Variants in DDHD1 observed in about 807,000 individuals in gnomAD.
The protein encoded by DDHD1 is DDHD domain containing 1.
In DDHD1, 49 loss-of-function variants were observed where a neutral mutation model predicts 96.4. That is an observed-to-expected ratio of 0.51 (90% CI 0.40 to 0.64). DDHD1 has a LOEUF of 0.64. Ranked by LOEUF, DDHD1 falls within the 30% of genes least tolerant of loss-of-function variation. The pLI is 0.00. For missense variants in DDHD1, 1,106 were observed against 1,161.2 expected (o/e 0.95, Z 0.69); for synonymous variants, 442 against 446.5 (o/e 0.99, Z 0.13).
At chr14:53,061,392 G>A in intron 7 of DDHD1, 191 bp from the exon 8 acceptor site, 1 of 464,142 alleles carries the variant, frequency 2.2e-6, no homozygotes, top group Non-Finnish European at 3.7e-6. Context: ...GAAATAATTA[G>A]TAAAGTACCG....
chr14:53,050,768 A>T (rs939557777), intron 12 of DDHD1, among the ~76,000 whole-genome samples: 2 of 152,074 alleles, frequency 1.3e-5, no homozygotes, highest in African/African-American at 4.8e-5. Context: ...AGCCATATAG[A>T]TATTACCATC....
At chr14:53,109,062 G>A (rs1484321531) in intron 1 of DDHD1, among the ~76,000 whole-genome samples, 6 of 152,122 alleles carry the variant, frequency 3.9e-5, no homozygotes, top group Non-Finnish European at 8.8e-5. Flanking sequence ...TAGTAAAGAG[G>A]AGCGCCTATA....
chr14:53,071,250 T>C (rs1884482024), intron 6 of DDHD1, among the ~76,000 whole-genome samples: 1 of 152,126 alleles, frequency 6.6e-6, no homozygotes, highest in Non-Finnish European at 1.5e-5. Flanking sequence ...AAATAATTTC[T>C]ACTGCATGGT....
intron 4 of DDHD1, among the ~76,000 whole-genome samples, chr14:53,083,359 A>G (rs1378499349): frequency 1.3e-5 from 2 of 152,240 alleles, no homozygotes; most frequent in South Asian, 2.1e-4. Flanking sequence ...AGTTCTATGA[A>G]GAGTTCCCTT....
chr14:53,118,035 C>T (rs1888684912), intron 1 of DDHD1, among the ~76,000 whole-genome samples: 1 of 152,134 alleles, frequency 6.6e-6, no homozygotes, highest in Admixed American at 6.5e-5. Context: ...TGGAGTGGAC[C>T]TCCAGCAAAC....
intron 4 of DDHD1, among the ~76,000 whole-genome samples, chr14:53,085,786 G>C (rs1885892947): frequency 6.6e-6 from 1 of 152,194 alleles, no homozygotes; most frequent in Admixed American, 6.5e-5. Context: ...AACAAAGCTG[G>C]ACAGAGAATG....
Position 53,093,455 on chromosome 14 carries a change from A to C in DDHD1, c.1013-11T>G, listed in dbSNP as rs771507579. The C allele has an allele frequency of 1.2e-6, 2 of 1,603,922 alleles. No homozygotes were observed. The highest frequency in any genetic ancestry group is 1.7e-6 in the Non-Finnish European group (2 of 1,177,238). ...TGAAACTATGAACAGCTATTGCAAA[A>C]AGGAAAAGCTAATTTGAAGGTCTCC... is the stretch of plus-strand genomic sequence containing the variant. On this transcript the variant is annotated splice_polypyrimidine_tract_variant and intron_variant, in intron 2 of 12. Transcript: ENST00000673822.
In DDHD1 at chr14:53,038,339, T is replaced by G. The variant is rs1881406998; in HGVS notation, c.*8429A>C. 6.6e-6 allele frequency: 1 copy of G among 152,102 alleles called. No homozygotes were observed. 9.4% of individuals were successfully genotyped at this position (152,102 alleles called of 1,614,324 possible). On this transcript the variant is annotated 3_prime_UTR_variant, in exon 13 of 13. Transcript: ENST00000673822. ...GTCAAGTTTCAGGATACAAAATCAA[T>G]GCACAAAAATTAGGAGCATTTCTAT...
chr14:53,102,755 CATTA>C (rs1458500664), intron 2 of DDHD1, among the ~76,000 whole-genome samples: 1 of 151,270 alleles, frequency 6.6e-6, no homozygotes, highest in Non-Finnish European at 1.5e-5. Flanking sequence ...TTAGTGCTGA[CATTA>C]ATTATGTTAT....
intron 1 of DDHD1, among the ~76,000 whole-genome samples, chr14:53,115,498 A>T (rs904199348): frequency 6.6e-6 from 1 of 152,240 alleles, no homozygotes; most frequent in African/African-American, 2.4e-5. Flanking sequence ...TTATCTACAA[A>T]GGGAAGCCTA....
At chr14:53,117,965 T>G (rs1888679567) in intron 1 of DDHD1, among the ~76,000 whole-genome samples, 1 of 151,972 alleles carries the variant, frequency 6.6e-6, no homozygotes, top group Non-Finnish European at 1.5e-5. Context: ...AGAGGAAGGA[T>G]CAAGCAGCAA....
intron 4 of DDHD1, among the ~76,000 whole-genome samples, chr14:53,074,854 T>C (rs1163276512): frequency 6.6e-6 from 1 of 152,162 alleles, no homozygotes; most frequent in Non-Finnish European, 1.5e-5. Context: ...ATTAGTGCAT[T>C]TTTCCAACAG....
At chr14:53,090,719 CACTGG>C (rs1886363997) in intron 4 of DDHD1, among the ~76,000 whole-genome samples, 2 of 151,896 alleles carry the variant, frequency 1.3e-5, no homozygotes, top group Non-Finnish European at 2.9e-5. Context: ...CACCGGGCCC[CACTGG>C]GGTGGGGGGA....
rs1881758658 is a variant in DDHD1, at chr14:53,042,981, C to T, written c.*3787G>A. 1 of 152,130 alleles carries T rather than the reference C, an allele frequency of 6.6e-6. No individual in the cohort carries two copies. The highest frequency in any genetic ancestry group is 2.4e-5 in the African/African-American group (1 of 41,416). 9.4% of individuals were successfully genotyped at this position (152,130 alleles called of 1,614,324 possible). A position where few individuals can be genotyped will look rare whatever the true frequency, so the allele number is the denominator to read the frequency against. On this transcript the variant is annotated 3_prime_UTR_variant, in exon 13 of 13. Coordinates refer to ENST00000673822, the MANE Select transcript of DDHD1 (RefSeq NM_001160148.2). ...AGATAGAAATACCAATCTAATGGAT[C>T]AAAAAGAAATTTGTCTTCTACTACA...
At position 53,153,066 on chromosome 14, in the gene DDHD1, G is replaced by T; in HGVS notation, c.33C>A (p.Ser11Arg). The T allele has an allele frequency of 6.8e-7, 1 of 1,467,632 alleles. No individual in the cohort carries two copies. 90.9% of individuals were successfully genotyped at this position (1,467,632 alleles called of 1,614,324 possible). A position where few individuals can be genotyped will look rare whatever the true frequency, so the allele number is the denominator to read the frequency against. The stretch of plus-strand genomic sequence containing the variant: ...CGCCGCCTCGGCCGTTATGCTCGGG[G>T]CTCCGTGGGGACCCGCGGCCCGGGT... The part of the protein sequence containing the change: MNYPGRGSPR[S>R]PEHNGRGGGG... The change falls in exon 1 of 13, where the codon AGC becomes AGA. Residue 11 changes from serine (S) to arginine (R), a missense_variant. By Grantham distance (110) the Ser-to-Arg change is moderately radical. Around this residue, in one of 2 missense-constraint regions of DDHD1, gnomAD observed 456 missense variants for 402.4 expected, o/e 1.13. Transcript: ENST00000673822.
intron 1 of DDHD1, among the ~76,000 whole-genome samples, chr14:53,121,639 G>A (rs1343588721): frequency 6.6e-6 from 1 of 152,160 alleles, no homozygotes; most frequent in African/African-American, 2.4e-5. Flanking sequence ...CATGGATGAA[G>A]CTGGAAGCCA....
At chr14:53,119,817 G>C (rs964892296) in intron 1 of DDHD1, among the ~76,000 whole-genome samples, 13 of 152,076 alleles carry the variant, frequency 8.5e-5, no homozygotes, top group Non-Finnish European at 1.9e-4. Flanking sequence ...AATAATAAGA[G>C]CTATTTATGA....
intron 1 of DDHD1, among the ~76,000 whole-genome samples, chr14:53,122,983 T>C (rs781372198): frequency 6.6e-6 from 1 of 151,958 alleles, no homozygotes; most frequent in Non-Finnish European, 1.5e-5. Flanking sequence ...AAAACTATAA[T>C]GTAAAATATG....
At chr14:53,146,679 A>T (rs1267644394) in intron 1 of DDHD1, among the ~76,000 whole-genome samples, 1 of 152,176 alleles carries the variant, frequency 6.6e-6, no homozygotes, top group Admixed American at 6.5e-5. Context: ...CTTGTCTCCT[A>T]ATCTAGGAGT....
Sources: gnomAD v4.1 joint callset for allele counts (sites outside exome capture counted in the v4.1 genomes callset) on GRCh38, gnomAD v4.1.1 for gene constraint, gnomAD v4.1.1 regional missense constraint, MANE v1.5 for transcripts, NCBI Gene and HGNC (gene_info 2026-07-23, HGNC 2026-07-21) for gene names.